The following KIAA1210 variants were observed in gnomAD, a reference collection of about 807,000 sequenced individuals.
KIAA1210 encodes the protein KIAA1210.
KIAA1210 carries 48 observed loss-of-function variants against 78.9 expected under a neutral mutation model. That is an observed-to-expected ratio of 0.61 (90% CI 0.48 to 0.77). The LOEUF is 0.77. Among genes scored for constraint, KIAA1210 ranks in the 30% least tolerant of loss-of-function variants. The pLI, the probability that KIAA1210 is intolerant of heterozygous loss-of-function variation, is 0.00. For missense variants in KIAA1210, 1,108 were observed against 1,100.0 expected, an observed-to-expected ratio of 1.01 and a Z score of -0.10; for synonymous variants, 406 against 404.5, an observed-to-expected ratio of 1.00 and a Z score of -0.04.
At chrX:119,109,773 A>G (rs763378859) in intron 3 of KIAA1210, among the ~76,000 whole-genome samples, 24 of 111,851 alleles carry the variant, frequency 2.1e-4, no homozygotes, top group Non-Finnish European at 4.1e-4. Flanking sequence ...TCACAGATAC[A>G]CAAGGCTTTA....
At chrX:119,084,510 G>T (rs1467943913) in intron 10 of KIAA1210, among the ~76,000 whole-genome samples, 1 of 111,685 alleles carries the variant, frequency 9.0e-6, no homozygotes, top group African/African-American at 3.3e-5. Flanking sequence ...TAAAATATCT[G>T]TAAAGATAGT....
At position 119,088,830 on chromosome X, in the gene KIAA1210, G is replaced by C; in HGVS notation, c.1872C>G (p.His624Gln). 8.3e-7 allele frequency: 1 copy of C among 1,211,300 alleles called. No individual in the cohort carries two copies. Among genetic ancestry groups the C allele is most frequent in the Non-Finnish European group, 1.1e-6 (1 of 895,163 alleles). Residue 624 changes from histidine to glutamine, a missense_variant, in exon 9 of 12, where the codon CAC (histidine) becomes CAG (glutamine). Physicochemically the swap from His to Gln is conservative, Grantham distance 24. Coordinates refer to ENST00000691062, the MANE Select transcript of KIAA1210 (RefSeq NM_001394962.1). ...CAAACTTCCCCAAGGACTGGGAAGA[G>C]TGACCATGAGCCAGTTCTTCAGAAC... ...GDGSEELAHG[H>Q]SSQSLGKFED...
At chrX:119,102,201 AT>A (rs933299174) in intron 6 of KIAA1210, among the ~76,000 whole-genome samples, 1 of 111,916 alleles carries the variant, frequency 8.9e-6, no homozygotes, top group Non-Finnish European at 1.9e-5. Flanking sequence ...CTGAACCTCA[AT>A]TTTTTTTGAT....
chrX:119,110,540 T>C, intron 3 of KIAA1210, among the ~76,000 whole-genome samples: 1 of 111,832 alleles, frequency 8.9e-6, no homozygotes, highest in African/African-American at 3.2e-5. Flanking sequence ...ATTATCTCTA[T>C]TCACAGATGA....
Position 119,123,619 on chromosome X carries a change from A to G in KIAA1210, c.24T>C (p.Ile8=). The change falls in exon 2 of 12, where the codon ATT becomes ATC. Residue 8 remains isoleucine, a synonymous_variant. Coordinates refer to ENST00000691062, the MANE Select transcript of KIAA1210 (RefSeq NM_001394962.1). MAESLSE[I]SDSLDVLEAG... ...CCTCCAGAACATCCAGACTGTCAGA[A>G]ATTTCACTTAGTGATTCAGCCATTG... The G allele has an allele frequency of 1.7e-6, 2 of 1,204,743 alleles. No homozygotes were observed. The highest frequency in any genetic ancestry group is 2.2e-6 in the Non-Finnish European group (2 of 890,351).
chrX:119,113,212 G>C (rs1928137737), intron 3 of KIAA1210, among the ~76,000 whole-genome samples: 1 of 110,714 alleles, frequency 9.0e-6, no homozygotes, highest in African/African-American at 3.3e-5. Context: ...CTGGTCAATG[G>C]GTACAGGAGT....
intron 2 of KIAA1210, among the ~76,000 whole-genome samples, chrX:119,140,550 A>G (rs1214974596): frequency 9.2e-6 from 1 of 108,488 alleles, no homozygotes. Flanking sequence ...AAAAAAAAAA[A>G]AAAGCACAGG....
chrX:119,088,945 A>G lies in KIAA1210; in HGVS notation c.1757T>C (p.Leu586Pro), dbSNP rs754384022. ...TAKGDVYAKT[L>P]PPRSLFQSSR... ...GGACTGAAAAAGGCTTCTGGGAGGC[A>G]GAGTCTTGGCATAAACATCTCCTTT... The change falls in exon 9 of 12, where the codon CTG becomes CCG. Residue 586 changes from leucine to proline, a missense_variant. Transcript: ENST00000691062. 6.6e-6 allele frequency: 8 copies of G among 1,210,048 alleles called. No homozygotes were observed. The African/African-American group carries it at 1.4e-4, about 21-fold the overall frequency.
chrX:119,107,119 G>A (rs1338523379), intron 5 of KIAA1210, among the ~76,000 whole-genome samples: 1 of 112,327 alleles, frequency 8.9e-6, no homozygotes, highest in Non-Finnish European at 1.9e-5. Flanking sequence ...GTTGTCTTCA[G>A]CCTTGTTTTC....
In KIAA1210 at chrX:119,115,235, T is replaced by TTC. The variant is rs750731045; in HGVS notation, c.230+1259_230+1260dup. On this transcript the variant is annotated intron_variant, in intron 3 of 11. Coordinates refer to ENST00000691062, the MANE Select transcript of KIAA1210 (RefSeq NM_001394962.1). ...CCTTGCACACAAAAAAATCCCCCCC[T>TTC]TCTCTCTCTCTCTCTCTCTCAGGTT... Among the ~76,000 whole-genome samples, 128 of 106,235 alleles carry TTC rather than the reference T, an allele frequency of 1.2e-3. 1 individual carries two copies. In the South Asian group the frequency reaches 0.03, roughly 25 times the overall value. 92.3% of individuals were successfully genotyped at this position (106,235 alleles called of 115,157 possible).
chrX:119,121,181 T>A (rs1928445906), intron 2 of KIAA1210, among the ~76,000 whole-genome samples: 1 of 111,548 alleles, frequency 9.0e-6, no homozygotes, highest in Non-Finnish European at 1.9e-5. Context: ...AAATTTGGCC[T>A]TTGAAGCTTT....
In KIAA1210 at chrX:119,105,086, A is replaced by G; in HGVS notation, c.554T>C (p.Ile185Thr). ...AGAGATTTCTACCAAGTTCTTAGAA[A>G]TTATTTCAGGTTGGATAACAGGTGG... Reference protein sequence around the residue: ...IIPPVIQPEIISKNLVEISLD... With the variant: ...IIPPVIQPEITSKNLVEISLD... The change falls in exon 6 of 12, where the codon ATT becomes ACT. Residue 185 changes from isoleucine to threonine, a missense_variant. Physicochemically the swap from Ile to Thr is moderately conservative, Grantham distance 89. This residue lies in a region of KIAA1210 where 672 missense variants were observed against 607.1 expected (regional missense o/e 1.11). Transcript: ENST00000691062. 8.3e-7 allele frequency: 1 copy of G among 1,210,316 alleles called. No individual in the cohort carries two copies. The highest frequency in any genetic ancestry group is 1.1e-6 in the Non-Finnish European group (1 of 894,690).
At chrX:119,141,498 T>A (rs1929049836) in intron 2 of KIAA1210, among the ~76,000 whole-genome samples, 1 of 112,575 alleles carries the variant, frequency 8.9e-6, no homozygotes, top group Non-Finnish European at 1.9e-5. Flanking sequence ...CTCCCTTATA[T>A]GTTATAGTAG....
At chrX:119,147,246 A>G (rs34650434) in intron 2 of KIAA1210, among the ~76,000 whole-genome samples, 3,818 of 111,338 alleles carry the variant, frequency 0.034, 151 homozygotes, top group African/African-American at 0.12. Context: ...TCTGGATTCC[A>G]GGGGGCTGCT....
Position 119,088,643 on chromosome X carries a change from A to G in KIAA1210, c.2059T>C (p.Ser687Pro), listed in dbSNP as rs573358202. Residue 687 changes from serine (S) to proline (P), a missense_variant, in exon 9 of 12, where the codon TCT becomes CCT. Physicochemically the swap from Ser to Pro is moderately conservative, Grantham distance 74. Coordinates refer to ENST00000691062, the MANE Select transcript of KIAA1210 (RefSeq NM_001394962.1). ...SSSYVEKYNT[S>P]DDCSSSEEDL... ...TCCTCTGAGCTGCTGCAATCATCAG[A>G]AGTGTTGTACTTTTCAACATAACTG... 4.1e-6 allele frequency: 5 copies of G among 1,209,666 alleles called. No homozygotes were observed. The South Asian group carries it at 5.3e-5, about 13-fold the overall frequency.
rs901514038 is a variant in KIAA1210, at chrX:119,080,129, G to A, written c.*1200C>T. The A allele has an allele frequency of 2.4e-4, 27 of 111,591 alleles. No individual in the cohort carries two copies. Among genetic ancestry groups the A allele is most frequent in the African/African-American group, 8.2e-4 (25 of 30,640 alleles). 9.2% of individuals were successfully genotyped at this position (111,591 alleles called of 1,213,427 possible). On this transcript the variant is annotated 3_prime_UTR_variant, in exon 12 of 12. Transcript: ENST00000691062. The stretch of plus-strand genomic sequence containing the variant: ...CTTCAGTGCTTAACAGGATATATGT[G>A]ATAGGCAGTGATTTCTGTGCGATCA...
At chrX:119,128,224 CAT>C (rs1378383917), upstream of KIAA1210, among the ~76,000 whole-genome samples, 1 of 111,781 alleles carries the variant, frequency 8.9e-6, no homozygotes, top group Non-Finnish European at 1.9e-5. Flanking sequence ...ATTATTTCAA[CAT>C]ATAGTCACTA....
intron 3 of KIAA1210, among the ~76,000 whole-genome samples, chrX:119,115,739 T>G (rs1928239792): frequency 9.0e-6 from 1 of 111,551 alleles, no homozygotes; most frequent in Non-Finnish European, 1.9e-5. Flanking sequence ...CAGAACTTCA[T>G]AGAGGGGGAT....
At chrX:119,108,841 T>C (rs1927978637) in intron 4 of KIAA1210, among the ~76,000 whole-genome samples, 1 of 97,479 alleles carries the variant, frequency 1.0e-5, no homozygotes, top group Admixed American at 1.1e-4. Context: ...GAGACCTGTC[T>C]CAAAAAAAAA....
Sources: gnomAD v4.1 joint callset for allele counts (sites outside exome capture counted in the v4.1 genomes callset) on GRCh38, gnomAD v4.1.1 for gene constraint, gnomAD v4.1.1 regional missense constraint, MANE v1.5 for transcripts, NCBI Gene and HGNC (gene_info 2026-07-23, HGNC 2026-07-21) for gene names.